Variants in IL1RAP observed in about 807,000 individuals in gnomAD.
The protein encoded by IL1RAP is interleukin-1 receptor accessory protein.
IL1RAP carries 35 observed loss-of-function variants against 60.7 expected under a neutral mutation model. That is an observed-to-expected ratio of 0.58 (90% CI 0.44 to 0.76). The LOEUF (loss-of-function observed/expected upper bound fraction) is 0.76, where lower values mean the gene tolerates loss of function less well. Among genes scored for constraint, IL1RAP ranks in the 30% least tolerant of loss-of-function variants. The pLI is 0.00. For missense variants in IL1RAP, 572 were observed against 693.9 expected, an observed-to-expected ratio of 0.82 and a Z score of 1.97; for synonymous variants, 268 against 250.9, an observed-to-expected ratio of 1.07 and a Z score of -0.64.
At chr3:190,547,226 C>G (rs1724450619) in intron 1 of IL1RAP, among the ~76,000 whole-genome samples, 1 of 152,192 alleles carries the variant, frequency 6.6e-6, no homozygotes, top group Non-Finnish European at 1.5e-5. Flanking sequence ...CATGGTGTTA[C>G]TTTATTTTCA....
chr3:190,601,612 T>TA (rs201511018), intron 3 of IL1RAP, among the ~76,000 whole-genome samples: 2,129 of 152,366 alleles, frequency 0.014, 38 homozygotes, highest in African/African-American at 0.04. Context: ...ACAAGTGAGT[T>TA]GTTTTGCCAG....
intron 3 of IL1RAP, among the ~76,000 whole-genome samples, chr3:190,603,016 A>G (rs1729989424): frequency 6.6e-6 from 1 of 152,164 alleles, no homozygotes; most frequent in Non-Finnish European, 1.5e-5. Flanking sequence ...TAAAGAAAAA[A>G]TTCTTTAAAA....
At chr3:190,594,528 A>G (rs2108727125) in intron 3 of IL1RAP, among the ~76,000 whole-genome samples, 1 of 152,310 alleles carries the variant, frequency 6.6e-6, no homozygotes, top group South Asian at 2.1e-4. Flanking sequence ...AGTGTCTCTC[A>G]AGGAAGATTT....
chr3:190,658,019 CACTCCAG>C, exon 12 of IL1RAP: 1 of 150,578 alleles, frequency 6.6e-6, no homozygotes, highest in South Asian at 2.1e-4. Context: ...CGTGCCACTG[CACTCCAG>C]ACTTGGTGAC....
chr3:190,573,631 A>C (rs1727196836), intron 3 of IL1RAP, among the ~76,000 whole-genome samples: 1 of 152,218 alleles, frequency 6.6e-6, no homozygotes, highest in Non-Finnish European at 1.5e-5. Context: ...TTATTACTCT[A>C]AATATCCTGT....
At chr3:190,655,877 A>C (rs1734603554), downstream of IL1RAP, 1 of 1,527,228 alleles carries the variant, frequency 6.5e-7, no homozygotes, top group Non-Finnish European at 8.8e-7. Context: ...CTATATTTCC[A>C]TTTTCCTATA....
At chr3:190,528,420 A>G (rs16865561) in intron 1 of IL1RAP, among the ~76,000 whole-genome samples, 3,348 of 152,314 alleles carry the variant, frequency 0.022, 130 homozygotes, top group African/African-American at 0.077. Context: ...TTTCCAAGGT[A>G]AGGAAGTTAA....
intron 8 of IL1RAP, among the ~76,000 whole-genome samples, chr3:190,628,626 A>G (rs1732517157): frequency 1.3e-5 from 2 of 152,132 alleles, no homozygotes; most frequent in Admixed American, 1.3e-4. Context: ...TGAGAGTTGG[A>G]TATATTTATT....
downstream of IL1RAP, chr3:190,655,815 A>G: frequency 9.3e-7 from 1 of 1,073,708 alleles, no homozygotes; most frequent in Non-Finnish European, 1.3e-6. Context: ...TGTCCTCTGG[A>G]GGATGGACAA....
At chr3:190,552,878 C>G (rs550166616) in intron 1 of IL1RAP, among the ~76,000 whole-genome samples, 22 of 152,292 alleles carry the variant, frequency 1.4e-4, no homozygotes, top group Non-Finnish European at 3.2e-4. Context: ...TTAAATATAA[C>G]TATAACTTGG....
At chr3:190,565,561 TAC>T (rs1318034867) in intron 3 of IL1RAP, among the ~76,000 whole-genome samples, 1 of 152,122 alleles carries the variant, frequency 6.6e-6, no homozygotes, top group Non-Finnish European at 1.5e-5. Context: ...TAGGACAGAG[TAC>T]AGCTCAGTGC....
chr3:190,521,800 T>G (rs1404663732), intron 1 of IL1RAP, among the ~76,000 whole-genome samples: 9 of 151,998 alleles, frequency 5.9e-5, no homozygotes, highest in African/African-American at 2.2e-4. Flanking sequence ...AGTAGATGAC[T>G]CGGTTAGGCA....
intron 3 of IL1RAP, among the ~76,000 whole-genome samples, chr3:190,585,582 C>T (rs368924684): frequency 2.6e-5 from 4 of 152,160 alleles, no homozygotes; most frequent in South Asian, 4.2e-4. Flanking sequence ...GAGGCCGAGG[C>T]GGGTGGATTG....
At chr3:190,570,466 C>T (rs1332185243) in intron 3 of IL1RAP, among the ~76,000 whole-genome samples, 1 of 152,192 alleles carries the variant, frequency 6.6e-6, no homozygotes, top group Non-Finnish European at 1.5e-5. Flanking sequence ...AAATAAATAG[C>T]ACTTTTCTGC....
At chr3:190,547,198 C>T (rs144327490) in intron 1 of IL1RAP, among the ~76,000 whole-genome samples, 22 of 152,260 alleles carry the variant, frequency 1.4e-4, no homozygotes, top group Middle Eastern at 3.4e-3. Context: ...CATTCGCATT[C>T]TGATGAAAGG....
In IL1RAP at chr3:190,556,152, T is replaced by G. The variant is rs1216523108; in HGVS notation, c.-66T>G. 1 of 152,174 alleles carries G rather than the reference T, an allele frequency of 6.6e-6. No homozygotes were observed. Among genetic ancestry groups the G allele is most frequent in the Non-Finnish European group, 1.5e-5 (1 of 68,038 alleles). The allele number at this position is 152,174 out of a possible 1,614,324, so 9.4% of individuals were successfully genotyped here. Reference sequence around the variant, plus strand: ...TAGGCATCGTCATGTGATCATCACCTAAGAACTAGAACATCAGCAGGCCCT... The same window carrying G: ...TAGGCATCGTCATGTGATCATCACCGAAGAACTAGAACATCAGCAGGCCCT... On this transcript the variant is annotated 5_prime_UTR_variant, in exon 2 of 12. Coordinates refer to ENST00000447382, the MANE Select transcript of IL1RAP (RefSeq NM_002182.4).
At position 190,613,684 on chromosome 3, in the gene IL1RAP, C is replaced by T. The variant is rs200932132; in HGVS notation, c.537+4503C>T. The stretch of plus-strand genomic sequence containing the variant: ...CCCATCTCTACTAAAAATACAAAAA[C>T]TAGCCGGGCATGGTGGCGCACACCT... On this transcript the variant is annotated intron_variant, in intron 5 of 11. Transcript: ENST00000447382. Among the ~76,000 whole-genome samples the T allele has an allele frequency of 8.6e-5, 13 of 151,850 alleles. No homozygotes were observed. In the East Asian group the frequency reaches 2.3e-3, roughly 27 times the overall value.
At position 190,644,334 on chromosome 3, in the gene IL1RAP, G is replaced by A. The variant is rs780672298; in HGVS notation, c.1138G>A (p.Val380Ile). The A allele has an allele frequency of 6.2e-7, 1 of 1,613,978 alleles. No homozygotes were observed. The highest frequency in any genetic ancestry group is 1.1e-5 in the South Asian group (1 of 91,072). ...GGTGATTCTCATTGTTGTTTACCAT[G>A]TTTACTGGCTAGAGATGGTCCTATT... is the stretch of plus-strand genomic sequence containing the variant. Reference protein sequence around the residue: ...LVVILIVVYHVYWLEMVLFYR... With the variant: ...LVVILIVVYHIYWLEMVLFYR... Residue 380 changes from valine (V) to isoleucine (I), a missense_variant, in exon 10 of 12, where the codon GTT becomes ATT. Physicochemically the swap from Val to Ile is conservative, Grantham distance 29. Transcript: ENST00000447382.
At chr3:190,657,107 G>C (rs1265882054) in exon 12 of IL1RAP, 2 of 152,510 alleles carry the variant, frequency 1.3e-5, no homozygotes, top group African/African-American at 2.4e-5. Context: ...TACCCACCCA[G>C]GGATACATGG....
Sources: gnomAD v4.1 joint callset for allele counts (sites outside exome capture counted in the v4.1 genomes callset) on GRCh38, gnomAD v4.1.1 for gene constraint, MANE v1.5 for transcripts, NCBI Gene and HGNC (gene_info 2026-07-23, HGNC 2026-07-21) for gene names.